Variants in TTC7A observed in about 807,000 individuals in gnomAD.
The protein encoded by TTC7A is tetratricopeptide repeat protein 7A.
A neutral mutation model predicts 103.7 loss-of-function variants in TTC7A; 110 were observed. That is an observed-to-expected ratio of 1.06 (90% CI 0.91 to 1.24). The LOEUF is 1.24. Among genes scored for constraint, TTC7A ranks in the 50% most tolerant of loss-of-function variants. The probability of loss-of-function intolerance (pLI) is 0.00; values close to 1 mark genes in which losing one functional copy is unlikely to be tolerated. For missense variants in TTC7A, 1,340 were observed against 1,116.3 expected (o/e 1.20, Z -2.86); for synonymous variants, 521 against 467.9 (o/e 1.11, Z -1.47).
chr2:47,067,086 C>CA (rs1684239807), intron 19 of TTC7A, among the ~76,000 whole-genome samples: 1 of 152,188 alleles, frequency 6.6e-6, no homozygotes. Context: ...TCAATCCATT[C>CA]AGGAGGGCAA....
chr2:46,975,602 CT>C (rs1363374681), intron 4 of TTC7A, among the ~76,000 whole-genome samples: 3 of 152,148 alleles, frequency 2.0e-5, no homozygotes, highest in Non-Finnish European at 4.4e-5. Context: ...TCTGGGTTAA[CT>C]GTCTGCAGGG....
chr2:47,054,234 G>T, intron 18 of TTC7A: 2 of 913,148 alleles, frequency 2.2e-6, no homozygotes, highest in Non-Finnish European at 2.6e-6. Flanking sequence ...CACAAGGTGG[G>T]TGCTTATTTC....
At position 46,981,424 on chromosome 2, in the gene TTC7A, TG is replaced by T. The variant is rs541968820; in HGVS notation, c.764+2519del. 3.9e-3 allele frequency among the ~76,000 whole-genome samples: 586 copies of T among 151,964 alleles called. 7 individuals are homozygous for T. The highest frequency in any genetic ancestry group is 0.013 in the African/African-American group (552 of 41,424). On this transcript the variant is annotated intron_variant, in intron 5 of 19. Transcript: ENST00000319190. ...GTGGGGCTGGGCACATAGTGGACTGTGGCAGGTCAGGCTTGATCTGGGCTTT... is the reference window on the plus strand; with the variant it reads ...GTGGGGCTGGGCACATAGTGGACTGTGCAGGTCAGGCTTGATCTGGGCTTT...
chr2:46,965,934 A>C (rs1305100489), intron 3 of TTC7A, among the ~76,000 whole-genome samples: 1 of 151,506 alleles, frequency 6.6e-6, no homozygotes, highest in Non-Finnish European at 1.5e-5. Flanking sequence ...CATCACTTGA[A>C]AATATTTTCT....
rs941342074 is a variant in TTC7A, at chr2:46,977,957, G to A, written c.649-835G>A. On this transcript the variant is annotated intron_variant, in intron 4 of 19. Coordinates refer to ENST00000319190, the MANE Select transcript of TTC7A (RefSeq NM_020458.4). ...ACAAAACCAGCCCTGTAGGACCGTTGTGAGGCATAAGTAAGATTTGGGCTT... is the reference window on the plus strand; with the variant it reads ...ACAAAACCAGCCCTGTAGGACCGTTATGAGGCATAAGTAAGATTTGGGCTT... 5.3e-5 allele frequency among the ~76,000 whole-genome samples: 8 copies of A among 152,202 alleles called. No individual in the cohort carries two copies. In the East Asian group the frequency reaches 1.3e-3, roughly 26 times the overall value.
intron 2 of TTC7A, among the ~76,000 whole-genome samples, chr2:46,934,935 G>A (rs1380055057): frequency 6.6e-6 from 1 of 151,460 alleles, no homozygotes; most frequent in Non-Finnish European, 1.5e-5. Flanking sequence ...TGAGTAGCTG[G>A]AACTACAGGC....
At position 46,977,623 on chromosome 2, in the gene TTC7A, A is replaced by G. The variant is rs143444133; in HGVS notation, c.649-1169A>G. ...TGCCTGGCATATAGCAGGCACTTAG[A>G]TGTTTGTGGAATGAATTAACTGATA... On this transcript the variant is annotated intron_variant, in intron 4 of 19. Transcript: ENST00000319190. 9.5e-4 allele frequency among the ~76,000 whole-genome samples: 144 copies of G among 152,232 alleles called. 1 individual carries two copies. Among genetic ancestry groups the G allele is most frequent in the African/African-American group, 3.2e-3 (134 of 41,540 alleles).
intron 17 of TTC7A, 120 bp downstream of exon 17, chr2:47,050,166 C>T (rs1186091645): frequency 4.1e-5 from 35 of 843,660 alleles, no homozygotes; most frequent in Non-Finnish European, 6.7e-5. Flanking sequence ...CCACCACTGG[C>T]TCCTTGCCAG....
chr2:46,981,087 G>T (rs972770175), intron 5 of TTC7A, among the ~76,000 whole-genome samples: 1 of 151,936 alleles, frequency 6.6e-6, no homozygotes, highest in Non-Finnish European at 1.5e-5. Flanking sequence ...TTATATCATT[G>T]GCCACTGGTG....
At chr2:47,057,901 G>A (rs559311118) in intron 18 of TTC7A, among the ~76,000 whole-genome samples, 3 of 152,166 alleles carry the variant, frequency 2.0e-5, no homozygotes, top group Non-Finnish European at 4.4e-5. Flanking sequence ...TCATTCCACT[G>A]TCCTGGTCTC....
intron 17 of TTC7A, 51 bp from the exon 18 acceptor site, chr2:47,051,695 C>G: frequency 6.4e-7 from 1 of 1,557,522 alleles, no homozygotes; most frequent in African/African-American, 1.3e-5. Flanking sequence ...CTGGGGCCTG[C>G]AACGTGTGGA....
At chr2:47,017,357 C>G (rs1678780620) in intron 11 of TTC7A, among the ~76,000 whole-genome samples, 1 of 151,446 alleles carries the variant, frequency 6.6e-6, no homozygotes, top group Non-Finnish European at 1.5e-5. Flanking sequence ...TGCCTCATCT[C>G]TACAAAAAAT....
chr2:47,054,566 C>T (rs889016413), intron 18 of TTC7A, among the ~76,000 whole-genome samples: 2 of 152,008 alleles, frequency 1.3e-5, no homozygotes, highest in African/African-American at 4.8e-5. Context: ...GGTGCGGTGG[C>T]TCATGCCCGT....
rs185771447 is a variant in TTC7A at position 47,007,862 on chromosome 2, C to G, written c.1287+1138C>G. ...ACAGCATGATCTCCTTGGCTCTGTGCTCAGCAGGGTCTTGTCAAGGCTCAG... is the reference window on the plus strand; with the variant it reads ...ACAGCATGATCTCCTTGGCTCTGTGGTCAGCAGGGTCTTGTCAAGGCTCAG... On this transcript the variant is annotated intron_variant, in intron 10 of 19. Transcript: ENST00000319190. This position sits in a 1 kb window ranked among gnomAD's most constrained non-coding sequence, Gnocchi z 4.9. Among the ~76,000 whole-genome samples, 5 of 152,366 alleles carry G rather than the reference C, an allele frequency of 3.3e-5. No individual in the cohort carries two copies. The highest frequency in any genetic ancestry group is 1.3e-4 in the Admixed American group (2 of 15,306).
At chr2:47,016,453 G>C (rs758957679) in intron 11 of TTC7A, among the ~76,000 whole-genome samples, 1 of 152,172 alleles carries the variant, frequency 6.6e-6, no homozygotes, top group South Asian at 2.1e-4. Flanking sequence ...GGTAGCTGTG[G>C]TGCTGTGAAA....
intron 18 of TTC7A, among the ~76,000 whole-genome samples, chr2:47,060,513 T>G (rs553978908): frequency 1.3e-5 from 2 of 152,300 alleles, no homozygotes; most frequent in Non-Finnish European, 2.9e-5. Context: ...CTACAGGGTT[T>G]TTGTGAGCAT....
chr2:47,045,600 A>G (rs1682230433), intron 15 of TTC7A: 1 of 152,280 alleles, frequency 6.6e-6, no homozygotes, highest in Admixed American at 6.5e-5. Context: ...TGGTGATTGA[A>G]AAGGATTTCA....
chr2:46,993,806 C>A (rs1316192969), intron 6 of TTC7A, among the ~76,000 whole-genome samples: 1 of 152,142 alleles, frequency 6.6e-6, no homozygotes, highest in Non-Finnish European at 1.5e-5. Context: ...AACTTGCTAC[C>A]ACCACTAGCA....
In TTC7A at chr2:46,941,856, A is replaced by C. The variant is rs765744834; in HGVS notation, c.184+131A>C. The C allele has an allele frequency of 4.2e-6, 5 of 1,195,574 alleles. No homozygotes were observed. The highest frequency in any genetic ancestry group is 5.8e-6 in the Non-Finnish European group (5 of 854,980). The allele number at this position is 1,195,574 out of a possible 1,614,324, so 74.1% of individuals were successfully genotyped here. ...AGCCCACCGTGCTAGTCTTAAGAGC[A>C]GCCAGGGCAGTTAGGAAGGTCCTTC... On this transcript the variant is annotated intron_variant, in intron 1 of 19. Coordinates refer to ENST00000319190, the MANE Select transcript of TTC7A (RefSeq NM_020458.4). The surrounding 1 kb of genome is among the most constrained non-coding windows in gnomAD (Gnocchi z 4.2).
Sources: gnomAD v4.1 joint callset for allele counts (sites outside exome capture counted in the v4.1 genomes callset) on GRCh38, gnomAD v4.1.1 for gene constraint, Gnocchi (gnomAD v3.1) non-coding constraint, MANE v1.5 for transcripts, NCBI Gene and HGNC (gene_info 2026-07-23, HGNC 2026-07-21) for gene names.